The following MCTP1 variants were observed in gnomAD, a reference collection of about 807,000 sequenced individuals.
The protein encoded by MCTP1 is multiple C2 and transmembrane domain containing 1, also known as multiple C2 and transmembrane domain-containing protein 1.
A neutral mutation model predicts 120.6 loss-of-function variants in MCTP1; 69 were observed. That is an observed-to-expected ratio of 0.57 (90% CI 0.47 to 0.70). MCTP1 has a LOEUF of 0.70. Among genes scored for constraint, MCTP1 ranks in the 30% least tolerant of loss-of-function variants. The pLI, the probability that MCTP1 is intolerant of heterozygous loss-of-function variation, is 0.00. For missense variants in MCTP1, 1,203 were observed against 1,248.8 expected (o/e 0.96, Z 0.55); for synonymous variants, 529 against 493.1 (o/e 1.07, Z -0.96).
chr5:94,836,111 C>T (rs549222619), intron 17 of MCTP1, among the ~76,000 whole-genome samples: 8 of 128,176 alleles, frequency 6.2e-5, no homozygotes, highest in South Asian at 2.7e-4. Flanking sequence ...ACCCAGGAGG[C>T]GGAGGTTGCA....
At chr5:95,016,899 C>A (rs1837226234) in intron 2 of MCTP1, among the ~76,000 whole-genome samples, 3 of 152,058 alleles carry the variant, frequency 2.0e-5, no homozygotes, top group East Asian at 3.9e-4. Context: ...AGACTACTGC[C>A]AGATCTGACC....
chr5:94,901,679 T>C (rs1203997825), intron 10 of MCTP1, among the ~76,000 whole-genome samples: 1 of 152,100 alleles, frequency 6.6e-6, no homozygotes, highest in Non-Finnish European at 1.5e-5. Flanking sequence ...ATCATCTTTA[T>C]GGGGTGATGT....
chr5:94,772,272 TG>T (rs1336528259), intron 19 of MCTP1, among the ~76,000 whole-genome samples: 1 of 152,178 alleles, frequency 6.6e-6, no homozygotes, highest in East Asian at 1.9e-4. Flanking sequence ...ACAAGGGGGT[TG>T]GATTGTGGAC....
chr5:95,168,036 A>G (rs1746667820), intron 1 of MCTP1, among the ~76,000 whole-genome samples: 1 of 152,152 alleles, frequency 6.6e-6, no homozygotes, highest in Admixed American at 6.5e-5. Context: ...TAGGTCTAAC[A>G]TTTAAGTCTT....
At chr5:95,227,666 C>T (rs1219277910) in intron 1 of MCTP1, among the ~76,000 whole-genome samples, 9 of 152,126 alleles carry the variant, frequency 5.9e-5, no homozygotes, top group African/African-American at 2.2e-4. Flanking sequence ...TTTCTAGTGA[C>T]AGGCTGTGTC....
intron 2 of MCTP1, among the ~76,000 whole-genome samples, chr5:94,967,688 T>C (rs1825940434): frequency 1.3e-5 from 2 of 152,238 alleles, no homozygotes. Context: ...AGAGGCTGCT[T>C]GTTAGGATCT....
intron 1 of MCTP1, among the ~76,000 whole-genome samples, chr5:95,111,340 G>C (rs924782534): frequency 6.6e-5 from 10 of 152,072 alleles, no homozygotes; most frequent in Admixed American, 3.9e-4. Context: ...CTAAATTGGG[G>C]GAAATTACAT....
At chr5:95,040,675 A>G (rs1842187396) in intron 1 of MCTP1, among the ~76,000 whole-genome samples, 1 of 152,124 alleles carries the variant, frequency 6.6e-6, no homozygotes, top group Non-Finnish European at 1.5e-5. Flanking sequence ...TGTGGTTGTG[A>G]GGAAGCTGAC....
At chr5:95,037,196 C>T (rs535518672) in intron 1 of MCTP1, among the ~76,000 whole-genome samples, 8 of 152,292 alleles carry the variant, frequency 5.3e-5, no homozygotes, top group African/African-American at 1.4e-4. Context: ...GACTAGAAAA[C>T]CCAACAATTA....
In MCTP1 at chr5:95,081,841, G is replaced by A. The variant is rs574107527; in HGVS notation, c.721-64357C>T. Reference sequence around the variant, plus strand: ...CTTCACCTGCTAAATCAAACATGCAGTGTTAGTAGTCAACCTCTTCCTCAT... The same window carrying A: ...CTTCACCTGCTAAATCAAACATGCAATGTTAGTAGTCAACCTCTTCCTCAT... On this transcript the variant is annotated intron_variant, in intron 1 of 22. Transcript: ENST00000515393. The A allele has an allele frequency of 7.8e-4, 786 of 1,012,710 alleles. 2 individuals are homozygous for A. Among genetic ancestry groups the A allele is most frequent in the Non-Finnish European group, 8.8e-4 (743 of 848,112 alleles). The allele number at this position is 1,012,710 out of a possible 1,614,324, so 62.7% of individuals were successfully genotyped here. A position where few individuals can be genotyped will look rare whatever the true frequency, so the allele number is the denominator to read the frequency against.
chr5:95,002,954 G>A (rs191841663), intron 2 of MCTP1, among the ~76,000 whole-genome samples: 3 of 152,300 alleles, frequency 2.0e-5, no homozygotes, highest in African/African-American at 4.8e-5. Flanking sequence ...GAGGGAACTG[G>A]TGGAAGTTAA....
chr5:95,008,641 C>G (rs1835246381), intron 2 of MCTP1, among the ~76,000 whole-genome samples: 1 of 152,034 alleles, frequency 6.6e-6, no homozygotes, highest in Non-Finnish European at 1.5e-5. Context: ...CATAACCTTA[C>G]TTGGAAATGG....
At chr5:95,188,146 A>C (rs1749432669) in intron 1 of MCTP1, among the ~76,000 whole-genome samples, 2 of 152,250 alleles carry the variant, frequency 1.3e-5, no homozygotes, top group African/African-American at 4.8e-5. Flanking sequence ...ATGGCAAATG[A>C]GTACATGAAA....
intron 1 of MCTP1, among the ~76,000 whole-genome samples, chr5:95,132,381 A>G (rs1428565119): frequency 6.6e-6 from 1 of 152,252 alleles, no homozygotes; most frequent in Admixed American, 6.5e-5. Context: ...GCAAAGTGAC[A>G]CTTCTTTGTA....
intron 1 of MCTP1, among the ~76,000 whole-genome samples, chr5:95,101,552 C>T (rs927934831): frequency 6.6e-6 from 1 of 152,170 alleles, no homozygotes; most frequent in South Asian, 2.1e-4. Flanking sequence ...CTGCCTGCCC[C>T]ACCAATACTC....
intron 1 of MCTP1, among the ~76,000 whole-genome samples, chr5:95,135,780 T>A (rs528060526): frequency 6.6e-6 from 1 of 152,362 alleles, no homozygotes; most frequent in East Asian, 1.9e-4. Context: ...CTCCCCTTTA[T>A]ATATATGTGT....
intron 2 of MCTP1, among the ~76,000 whole-genome samples, chr5:95,011,194 C>T (rs1277404418): frequency 6.6e-6 from 1 of 152,094 alleles, no homozygotes; most frequent in Admixed American, 6.6e-5. Context: ...AATTCTATTT[C>T]ACATCATAAC....
rs536368954 is a variant in MCTP1, at chr5:95,245,724, A to G, written c.720+38132T>C. ...TTTGATTGGTGTACCGGAAAGTGACAGGGAGAATGGAACCAAGCTAGAAAA... is the reference window on the plus strand; with the variant it reads ...TTTGATTGGTGTACCGGAAAGTGACGGGGAGAATGGAACCAAGCTAGAAAA... On this transcript the variant is annotated intron_variant, in intron 1 of 22. Coordinates refer to ENST00000515393, the MANE Select transcript of MCTP1 (RefSeq NM_024717.7). Among the ~76,000 whole-genome samples the G allele has an allele frequency of 2.6e-5, 4 of 152,310 alleles. No individual in the cohort carries two copies. The South Asian group carries it at 6.2e-4, about 24-fold the overall frequency.
At chr5:94,728,381 A>G (rs1387772958) in intron 19 of MCTP1, among the ~76,000 whole-genome samples, 1 of 152,248 alleles carries the variant, frequency 6.6e-6, no homozygotes, top group Non-Finnish European at 1.5e-5. Context: ...AGAAATTAGC[A>G]TTAATAAAAC....
Sources: allele counts gnomAD v4.1 joint callset (sites outside exome capture counted in the v4.1 genomes callset), GRCh38; gene constraint gnomAD v4.1.1; transcripts MANE v1.5; gene names NCBI Gene and HGNC (gene_info 2026-07-23, HGNC 2026-07-21).